The following LRRIQ1 variants were observed in gnomAD, a reference collection of about 807,000 sequenced individuals.
LRRIQ1 encodes leucine-rich repeat- and IQ domain-containing protein 1.
Under a neutral mutation model 211.9 loss-of-function variants are expected in LRRIQ1, and 210 were observed. The ratio of observed to expected loss-of-function variants is 0.99; its 90% CI spans 0.89 to 1.11. The LOEUF (loss-of-function observed/expected upper bound fraction) is 1.11. Among genes scored for constraint, LRRIQ1 ranks in the 50% most tolerant of loss-of-function variants. The pLI is 0.00. For missense variants in LRRIQ1, 2,136 were observed against 1,939.5 expected, an observed-to-expected ratio of 1.10 and a Z score of -1.90; for synonymous variants, 699 against 650.1, an observed-to-expected ratio of 1.08 and a Z score of -1.14.
intron 21 of LRRIQ1, 62 bp downstream of exon 21, chr12:85,153,207 C>A: frequency 1.4e-6 from 2 of 1,381,720 alleles, no homozygotes; most frequent in Non-Finnish European, 9.9e-7. Flanking sequence ...ACATATCATA[C>A]AAAAGTAGTA....
chr12:85,066,507 C>T (rs998478441), intron 9 of LRRIQ1, among the ~76,000 whole-genome samples: 1 of 151,332 alleles, frequency 6.6e-6, no homozygotes, highest in African/African-American at 2.4e-5. Context: ...TACTTGTTAT[C>T]CTCTGTATTT....
chr12:85,069,890 G>T (rs1213714265), intron 10 of LRRIQ1, among the ~76,000 whole-genome samples: 6 of 152,026 alleles, frequency 3.9e-5, no homozygotes, highest in East Asian at 3.9e-4. Flanking sequence ...TCTGTAGGTT[G>T]CCTGTTCACT....
Position 85,235,924 on chromosome 12 carries a change from G to C in LRRIQ1, c.5016+3168G>C, listed in dbSNP as rs776434080. On this transcript the variant is annotated intron_variant, in intron 26 of 26. Coordinates refer to ENST00000393217, the MANE Select transcript of LRRIQ1 (RefSeq NM_001079910.2). ...GTAAGTTGTGTCACAAGACATAAAG[G>C]CTTAGTAAAAAGCTAAAGCAAACTT... Among the ~76,000 whole-genome samples the C allele has an allele frequency of 3.9e-5, 6 of 152,134 alleles. No individual in the cohort carries two copies. The South Asian group carries it at 1.0e-3, about 26-fold the overall frequency.
chr12:85,187,805 A>G (rs1283044136), intron 24 of LRRIQ1, among the ~76,000 whole-genome samples: 1 of 148,098 alleles, frequency 6.8e-6, no homozygotes, highest in Non-Finnish European at 1.5e-5. Context: ...GCAAAACTTC[A>G]TCTCAAAAAA....
intron 24 of LRRIQ1, among the ~76,000 whole-genome samples, chr12:85,196,658 C>G (rs1466252542): frequency 2.0e-5 from 3 of 152,104 alleles, no homozygotes; most frequent in African/African-American, 7.2e-5. Context: ...CTTCCTTACA[C>G]CTTATACAAA....
chr12:85,186,658 TA>T (rs1187863145), intron 24 of LRRIQ1, among the ~76,000 whole-genome samples: 1 of 152,100 alleles, frequency 6.6e-6, no homozygotes, highest in Non-Finnish European at 1.5e-5. Flanking sequence ...GCAAAAAATA[TA>T]TTTTTTTAAT....
intron 24 of LRRIQ1, among the ~76,000 whole-genome samples, chr12:85,216,295 G>A (rs1488897387): frequency 6.6e-6 from 1 of 152,034 alleles, no homozygotes; most frequent in Non-Finnish European, 1.5e-5. Flanking sequence ...TGTGTTTGTT[G>A]AGAATGATGG....
chr12:85,246,160 T>G (rs938879528), downstream of LRRIQ1, among the ~76,000 whole-genome samples: 1 of 151,220 alleles, frequency 6.6e-6, no homozygotes, highest in African/African-American at 2.4e-5. Flanking sequence ...TCAAAAACCC[T>G]GGAGAGCTTG....
intron 1 of LRRIQ1, among the ~76,000 whole-genome samples, chr12:85,256,889 A>AACAT (rs1231788611): frequency 6.7e-6 from 1 of 149,326 alleles, no homozygotes; most frequent in Non-Finnish European, 1.5e-5. Flanking sequence ...TTTATATTCT[A>AACAT]AAATAAATAG....
At chr12:85,179,078 C>A (rs926820822) in intron 24 of LRRIQ1, among the ~76,000 whole-genome samples, 4 of 151,794 alleles carry the variant, frequency 2.6e-5, no homozygotes, top group African/African-American at 9.7e-5. Flanking sequence ...CAATAACAAC[C>A]GAATATCTCC....
chr12:85,172,321 A>G (rs972118336), intron 24 of LRRIQ1, among the ~76,000 whole-genome samples: 1 of 152,186 alleles, frequency 6.6e-6, no homozygotes, highest in African/African-American at 2.4e-5. Context: ...GTCTCAGAGA[A>G]TTACTACAAC....
At chr12:85,255,581 AATAT>A (rs994973438) in intron 1 of LRRIQ1, among the ~76,000 whole-genome samples, 2 of 151,790 alleles carry the variant, frequency 1.3e-5, no homozygotes, top group African/African-American at 4.8e-5. Context: ...AACTTGAAGT[AATAT>A]ATCAGTAACG....
At chr12:85,178,547 G>A (rs1484598610) in intron 24 of LRRIQ1, among the ~76,000 whole-genome samples, 1 of 151,892 alleles carries the variant, frequency 6.6e-6, no homozygotes, top group African/African-American at 2.4e-5. Flanking sequence ...ATAGTAATCA[G>A]TGTTAACCTC....
chr12:85,222,077 C>T (rs113464856), intron 24 of LRRIQ1, among the ~76,000 whole-genome samples: 1 of 152,292 alleles, frequency 6.6e-6, no homozygotes, highest in African/African-American at 2.4e-5. Flanking sequence ...ATCAGTGCCA[C>T]ACTCTGCTTT....
intron 24 of LRRIQ1, among the ~76,000 whole-genome samples, chr12:85,176,594 G>C (rs1891712992): frequency 8.3e-6 from 1 of 120,940 alleles, no homozygotes; most frequent in Non-Finnish European, 1.7e-5. Context: ...GACTGTTGTG[G>C]GGTGGGGGGA....
chr12:85,173,581 C>T (rs1322570949), intron 24 of LRRIQ1, among the ~76,000 whole-genome samples: 1 of 151,870 alleles, frequency 6.6e-6, no homozygotes. Context: ...TTTCTCCCTG[C>T]TCACTCAGAA....
At chr12:85,249,773 A>T (rs1253771424), downstream of LRRIQ1, among the ~76,000 whole-genome samples, 1 of 151,900 alleles carries the variant, frequency 6.6e-6, no homozygotes, top group African/African-American at 2.4e-5. Flanking sequence ...CTTCTTTATA[A>T]ACTGTATGTA....
At chr12:85,241,373 G>A (rs1895451071) in intron 26 of LRRIQ1, among the ~76,000 whole-genome samples, 3 of 151,952 alleles carry the variant, frequency 2.0e-5, no homozygotes, top group African/African-American at 7.2e-5. Flanking sequence ...AGGAGTTTAT[G>A]AAAAGATGAT....
At chr12:85,269,719 T>C in the LRRIQ1 span, among the ~76,000 whole-genome samples, 3 of 151,992 alleles carry the variant, frequency 2.0e-5, no homozygotes, top group Admixed American at 6.6e-5. Flanking sequence ...CTAAGTCTAG[T>C]ATTGGCTGGA....
Sources: allele counts gnomAD v4.1 joint callset (sites outside exome capture counted in the v4.1 genomes callset), GRCh38; gene constraint gnomAD v4.1.1; transcripts MANE v1.5; gene names NCBI Gene and HGNC (gene_info 2026-07-23, HGNC 2026-07-21).